The following RAP1GAP variants were observed in gnomAD, a reference collection of about 807,000 sequenced individuals.
The protein encoded by RAP1GAP is RAP1 GTPase activating protein, also known as rap1 GTPase-activating protein 1.
RAP1GAP carries 35 observed loss-of-function variants against 87.2 expected under a neutral mutation model. The observed-to-expected ratio is 0.40, with a 90% CI of 0.31 to 0.53. The LOEUF (loss-of-function observed/expected upper bound fraction) is 0.53, where lower values mean the gene tolerates loss of function less well. Ranked by LOEUF, RAP1GAP falls within the 20% of genes least tolerant of loss-of-function variation. The pLI, the probability that RAP1GAP is intolerant of heterozygous loss-of-function variation, is 0.48. For missense variants in RAP1GAP, 734 were observed against 898.9 expected, an observed-to-expected ratio of 0.82 and a Z score of 2.35; for synonymous variants, 375 against 363.9, an observed-to-expected ratio of 1.03 and a Z score of -0.35.
intron 2 of RAP1GAP, among the ~76,000 whole-genome samples, chr1:21,636,121 C>A (rs1352113783): frequency 2.0e-5 from 3 of 152,244 alleles, no homozygotes; most frequent in Non-Finnish European, 4.4e-5. Flanking sequence ...GACAACCTGA[C>A]TAGCCTAGAG....
At chr1:21,637,555 C>T (rs1198351751) in intron 2 of RAP1GAP, among the ~76,000 whole-genome samples, 1 of 152,046 alleles carries the variant, frequency 6.6e-6, no homozygotes, top group Non-Finnish European at 1.5e-5. Flanking sequence ...TCCAGCAACC[C>T]CATTTCTAGG....
intron 5 of RAP1GAP, among the ~76,000 whole-genome samples, chr1:21,618,409 A>C (rs1255235621): frequency 6.6e-6 from 1 of 151,998 alleles, no homozygotes; most frequent in Non-Finnish European, 1.5e-5. Context: ...GGCCCACTCC[A>C]CCAGGCCTGG....
At position 21,599,540 on chromosome 1, in the gene RAP1GAP, C is replaced by T. The variant is rs1368940651; in HGVS notation, c.1730G>A (p.Ser577Asn). Residue 577 changes from serine to asparagine, a missense_variant, in exon 21 of 25, where the codon AGC becomes AAC. Physicochemically the swap from Ser to Asn is conservative, Grantham distance 46. Around this residue, in one of 2 missense-constraint regions of RAP1GAP, gnomAD observed 249 missense variants for 252.7 expected, o/e 0.99. Transcript: ENST00000374765. Reference protein sequence around the residue: ...RSSSSASSFASVVEETEGVDG... With the variant: ...RSSSSASSFANVVEETEGVDG... ...CACACCCTCCGTCTCCTCCACCACG[C>T]TGGCGAAGCTGCTGGCACTGGACGA... 6 of 1,609,824 alleles carry T rather than the reference C, an allele frequency of 3.7e-6. No homozygotes were observed. Among genetic ancestry groups the T allele is most frequent in the Non-Finnish European group, 5.1e-6 (6 of 1,179,986 alleles).
intron 2 of RAP1GAP, among the ~76,000 whole-genome samples, chr1:21,649,162 A>T (rs2096351181): frequency 1.3e-5 from 2 of 152,114 alleles, no homozygotes; most frequent in Admixed American, 6.5e-5. Context: ...ACCTCCACCC[A>T]TTGCCTCTTG....
At chr1:21,648,369 G>C (rs1055502103) in intron 2 of RAP1GAP, among the ~76,000 whole-genome samples, 1 of 152,226 alleles carries the variant, frequency 6.6e-6, no homozygotes, top group Non-Finnish European at 1.5e-5. Flanking sequence ...CCTCCCTGTG[G>C]CCTGGTGGCC....
rs763968945 is a variant in RAP1GAP, at chr1:21,601,735, G to A, written c.1601C>T (p.Ser534Leu). The A allele has an allele frequency of 6.8e-6, 11 of 1,612,478 alleles. No individual in the cohort carries two copies. The highest frequency in any genetic ancestry group is 1.7e-4 in the Middle Eastern group (1 of 6,048). ...GGAGCTCTGAGTGGATGAGTTCTCC[G>A]ACTTGGGCTCCTGTGAGACGTGCCC... is the stretch of plus-strand genomic sequence containing the variant. ...DSGHVSQEPK[S>L]ENSSTQSSPE... Residue 534 changes from serine (S) to leucine (L), a missense_variant, in exon 20 of 25, where the codon TCG becomes TTG. This residue lies in a region of RAP1GAP where 249 missense variants were observed against 252.7 expected (regional missense o/e 0.99). Transcript: ENST00000374765.
At position 21,613,991 on chromosome 1, in the gene RAP1GAP, C is replaced by T; in HGVS notation, c.390G>A (p.Leu130=). Residue 130 remains leucine, a synonymous_variant, in exon 8 of 25, where the codon CTG becomes CTA. Coordinates refer to ENST00000374765, the MANE Select transcript of RAP1GAP (RefSeq NM_002885.4). The surrounding 1 kb of genome is among the most constrained non-coding windows in gnomAD (Gnocchi z 4.7). ...VIGDQEHLRL[L]LRTKCRTYHD... The stretch of plus-strand genomic sequence containing the variant: ...GACTCCCCCACCACCCTCACCTGAG[C>T]AGCAGCCGCAGGTGCTCTTGGTCCC... 1 of 1,605,646 alleles carries T rather than the reference C, an allele frequency of 6.2e-7. No individual in the cohort carries two copies. Among genetic ancestry groups the T allele is most frequent in the Non-Finnish European group, 8.5e-7 (1 of 1,173,798 alleles).
chr1:21,615,305 C>A lies in RAP1GAP; in HGVS notation c.292-1216G>T, dbSNP rs2081306566. Among the ~76,000 whole-genome samples the A allele has an allele frequency of 6.6e-6, 1 of 152,214 alleles. No individual in the cohort carries two copies. ...GAGCACCTGGCTGCTTCCCCCATTACCCCACCTGGAGTCAGGAAGGGGCCC... is the reference window on the plus strand; with the variant it reads ...GAGCACCTGGCTGCTTCCCCCATTAACCCACCTGGAGTCAGGAAGGGGCCC... On this transcript the variant is annotated intron_variant, in intron 7 of 24. Transcript: ENST00000374765. This position sits in a 1 kb window ranked among gnomAD's most constrained non-coding sequence, Gnocchi z 4.5.
intron 6 of RAP1GAP, 39 bp from the exon 7 acceptor site, chr1:21,617,530 C>G (rs1466899393): frequency 7.7e-6 from 12 of 1,554,608 alleles, no homozygotes; most frequent in African/African-American, 1.4e-5. Context: ...CCACACTGTA[C>G]CCCACTGGGC....
At chr1:21,644,668 G>C (rs1005998415) in intron 2 of RAP1GAP, among the ~76,000 whole-genome samples, 15 of 152,116 alleles carry the variant, frequency 9.9e-5, no homozygotes, top group African/African-American at 3.6e-4. Context: ...GGGAGGCCAA[G>C]GCAGGAGGAT....
intron 3 of RAP1GAP, among the ~76,000 whole-genome samples, chr1:21,624,139 C>T (rs1050631328): frequency 3.9e-5 from 6 of 152,032 alleles, no homozygotes; most frequent in African/African-American, 7.3e-5. Flanking sequence ...TGTGTATGTA[C>T]GTGTGTGCAG....
In RAP1GAP at chr1:21,608,885, C is replaced by A. The variant is rs1274146064; in HGVS notation, c.1123G>T (p.Ala375Ser). 6.2e-7 allele frequency: 1 copy of A among 1,614,126 alleles called. No individual in the cohort carries two copies. The highest frequency in any genetic ancestry group is 8.5e-7 in the Non-Finnish European group (1 of 1,179,984). The change falls in exon 16 of 25, where the codon GCC becomes TCC. Residue 375 changes from alanine to serine, a missense_variant. Ala to Ser is a moderately conservative substitution (Grantham distance 99). Transcript: ENST00000374765. ...GCAAACTTCTCTGCCTTGTAGCAGG[C>A]ATATTCAGCATTGATCAGCTTTGTC... The part of the protein sequence containing the change: ...LLTKLINAEY[A>S]CYKAEKFAKL...
intron 1 of RAP1GAP, among the ~76,000 whole-genome samples, chr1:21,664,933 A>G (rs982085319): frequency 1.3e-5 from 2 of 152,180 alleles, no homozygotes; most frequent in African/African-American, 4.8e-5. Flanking sequence ...AGGCAGGCAA[A>G]TAAAAGCTCG....
rs1248105253 is a variant in RAP1GAP, at chr1:21,614,081, G to A, written c.300C>T (p.Phe100=). The A allele has an allele frequency of 3.7e-6, 6 of 1,600,552 alleles. No individual in the cohort carries two copies. The African/African-American group carries it at 6.7e-5, about 18-fold the overall frequency. The change falls in exon 8 of 25, where the codon TTC becomes TTT. Residue 100 remains phenylalanine, a synonymous_variant. Coordinates refer to ENST00000374765, the MANE Select transcript of RAP1GAP (RefSeq NM_002885.4). ...GGGCAGCGTCCAGTGAGTAGTAATT[G>A]AAATGCTCCTGCAGTGGGAGGTGGG... ...YRKHFLGKEH[F]NYYSLDAALG...
chr1:21,608,382 C>A (rs908302265), intron 16 of RAP1GAP, 32 bp from the exon 17 acceptor site: 4 of 1,601,312 alleles, frequency 2.5e-6, no homozygotes, highest in African/African-American at 1.3e-5. Flanking sequence ...TCAGGAGGGA[C>A]CCCAAGGATC....
intron 7 of RAP1GAP, among the ~76,000 whole-genome samples, chr1:21,614,848 A>T (rs1287614695): frequency 6.6e-6 from 1 of 152,180 alleles, no homozygotes; most frequent in Non-Finnish European, 1.5e-5. Context: ...CCCTAGCCCA[A>T]GTTCTGGGAG....
At chr1:21,608,783 G>C (rs1274478209) in intron 16 of RAP1GAP, 67 bp downstream of exon 16, 1 of 1,477,664 alleles carries the variant, frequency 6.8e-7, no homozygotes, top group Non-Finnish European at 9.5e-7. Flanking sequence ...CCTTCCCAGG[G>C]ACAGGGCTGA....
chr1:21,650,988 T>C (rs1163166110), intron 1 of RAP1GAP, among the ~76,000 whole-genome samples: 6 of 152,158 alleles, frequency 3.9e-5, no homozygotes, highest in Non-Finnish European at 5.9e-5. Flanking sequence ...CTATGACCAC[T>C]GGGAGGTAGG....
intron 1 of RAP1GAP, among the ~76,000 whole-genome samples, chr1:21,656,633 G>A (rs1007821882): frequency 3.3e-5 from 5 of 152,168 alleles, no homozygotes; most frequent in African/African-American, 1.2e-4. Context: ...GGAAGAGTGG[G>A]TGTGACTTGG....
Sources: gnomAD v4.1 joint callset for allele counts (sites outside exome capture counted in the v4.1 genomes callset) on GRCh38, gnomAD v4.1.1 for gene constraint, gnomAD v4.1.1 regional missense constraint, Gnocchi (gnomAD v3.1) non-coding constraint, MANE v1.5 for transcripts, NCBI Gene and HGNC (gene_info 2026-07-23, HGNC 2026-07-21) for gene names.